Variants in TTN observed in about 807,000 individuals in gnomAD.
TTN encodes the protein titin.
A neutral mutation model predicts 3,223.0 loss-of-function variants in TTN; 1,525 were observed. The ratio of observed to expected loss-of-function variants is 0.47; its 90% CI spans 0.45 to 0.49. TTN has a LOEUF of 0.49. TTN is among the 20% of genes least tolerant of loss of function. The pLI, the probability that TTN is intolerant of heterozygous loss-of-function variation, is 0.00. For synonymous variants in TTN, 14,094 were observed against 15,161.0 expected, an observed-to-expected ratio of 0.93 and a Z score of 5.17; for missense variants, 40,786 against 43,424.0, an observed-to-expected ratio of 0.94 and a Z score of 5.40.
Position 178,635,964 on chromosome 2 carries a change from T to G in TTN, c.41607A>C (p.Val13869=). The stretch of plus-strand genomic sequence containing the variant: ...GAAATCTCCCAGGAAAGTACTAACC[T>G]ACTACTTTTACGCAAGATGAACACT... ...NLECSSCVKV[V]EVIRDWLVKP... Residue 13869 remains valine (V), a splice_region_variant and synonymous_variant, in exon 226 of 363, where the codon GTA becomes GTC. Coordinates refer to ENST00000589042, the MANE Select transcript of TTN (RefSeq NM_001267550.2). The G allele has an allele frequency of 6.3e-7, 1 of 1,590,762 alleles. No individual in the cohort carries two copies. Among genetic ancestry groups the G allele is most frequent in the Non-Finnish European group, 8.6e-7 (1 of 1,166,542 alleles).
rs779105977 is a variant in TTN, at chr2:178,554,408, T to C, written c.88894+45A>G. The stretch of plus-strand genomic sequence containing the variant: ...TATGCACAGGTTAGCGTAGTTTATT[T>C]TTAAATTTTTCACGTTTCAGTTTTC... On this transcript the variant is annotated intron_variant, in intron 332 of 362. Transcript: ENST00000589042. 6.9e-6 allele frequency: 11 copies of C among 1,583,274 alleles called. No individual in the cohort carries two copies. The Admixed American group carries it at 2.0e-4, about 29-fold the overall frequency.
rs771592871 is a variant in TTN at position 178,720,439 on chromosome 2, T to G, written c.23323A>C (p.Lys7775Gln). The G allele has an allele frequency of 7.4e-6, 12 of 1,613,756 alleles. No individual in the cohort carries two copies. The East Asian group carries it at 2.7e-4, about 36-fold the overall frequency. The change falls in exon 80 of 363, where the codon AAA becomes CAA. Residue 7775 changes from lysine (K) to glutamine (Q), a missense_variant. Lys to Gln is a moderately conservative substitution (Grantham distance 53). Transcript: ENST00000589042. The part of the protein sequence containing the change: ...EASDVGEYHC[K>Q]ATNEVGSDTC... ...TCACTTCCCACCTCATTAGTAGCTT[T>G]GCAGTGATATTCCCCGACATCGGAG...
At chr2:178,681,788 T>G (rs1361327700) in intron 135 of TTN, 50 bp from the exon 136 acceptor site, 4 of 1,437,268 alleles carry the variant, frequency 2.8e-6, no homozygotes, top group Non-Finnish European at 3.8e-6. Flanking sequence ...AATATAAGTT[T>G]AAACATTTCT....
chr2:178,745,413 T>A, intron 47 of TTN: 1 of 1,437,396 alleles, frequency 7.0e-7, no homozygotes, highest in South Asian at 1.5e-5. Context: ...AATATTTACA[T>A]GTATTACAAA....
intron 342 of TTN, 35 bp from the exon 343 acceptor site, chr2:178,546,151 TC>T: frequency 6.3e-7 from 1 of 1,587,670 alleles, no homozygotes; most frequent in Non-Finnish European, 8.6e-7. Context: ...ATGATGAAGA[TC>T]ATTCTTTCTG....
intron 218 of TTN, among the ~76,000 whole-genome samples, chr2:178,643,157 A>G (rs530727586): frequency 3.3e-5 from 5 of 152,078 alleles, no homozygotes; most frequent in Admixed American, 2.6e-4. Flanking sequence ...TCTAATTTAA[A>G]ACAGTATTTA....
rs1255817546 is a variant in TTN, at chr2:178,549,367, C to T, written c.92259G>A (p.Gln30753=). ...PESDGGSEIQ[Q]YILERREKKS... Reference sequence around the variant, plus strand: ...TCTTTTCTCTTCTTTCAAGGATATACTGTTGAATTTCACTGCCACCATCTG... The same window carrying T: ...TCTTTTCTCTTCTTTCAAGGATATATTGTTGAATTTCACTGCCACCATCTG... The change falls in exon 339 of 363, where the codon CAG becomes CAA. Residue 30753 remains glutamine, a synonymous_variant. Coordinates refer to ENST00000589042, the MANE Select transcript of TTN (RefSeq NM_001267550.2). 1 of 1,613,718 alleles carries T rather than the reference C, an allele frequency of 6.2e-7. No individual in the cohort carries two copies. Among genetic ancestry groups the T allele is most frequent in the East Asian group, 2.2e-5 (1 of 44,880 alleles).
Position 178,662,392 on chromosome 2 carries a change from C to G in TTN, c.36985G>C (p.Glu12329Gln). 1 of 1,469,868 alleles carries G rather than the reference C, an allele frequency of 6.8e-7. No individual in the cohort carries two copies. The highest frequency in any genetic ancestry group is 3.0e-5 in the East Asian group (1 of 32,966). The allele number at this position is 1,469,868 out of a possible 1,614,324, so 91.1% of individuals were successfully genotyped here. A position where few individuals can be genotyped will look rare whatever the true frequency, so the allele number is the denominator to read the frequency against. ...GGTGGAGCCACGGGAATTTCTTTTT[C>G]TGTGGCTTCTTGAGGAACTTCTGGC... ...TVPEVPQEAT[E>Q]KEIPVAPPKK... The change falls in exon 177 of 363, where the codon GAA becomes CAA. Residue 12329 changes from glutamate to glutamine, a missense_variant. By Grantham distance (29) the Glu-to-Gln change is conservative. Transcript: ENST00000589042.
Position 178,558,324 on chromosome 2 carries a change from C to T in TTN, c.87118+17G>A, listed in dbSNP as rs1338294127. 1.3e-6 allele frequency: 2 copies of T among 1,596,634 alleles called. No homozygotes were observed. The highest frequency in any genetic ancestry group is 2.7e-5 in the African/African-American group (2 of 73,704). On this transcript the variant is annotated intron_variant, in intron 327 of 362. Transcript: ENST00000589042. ...CAAATAATTTCAAATTTTGCTTCTA[C>T]ACAAAATTAGACATACCTAGTTGCT... is the stretch of plus-strand genomic sequence containing the variant.
In TTN at chr2:178,530,977, T is replaced by G. The variant is rs748652325; in HGVS notation, c.105638A>C (p.Glu35213Ala). Residue 35213 changes from glutamate to alanine, a missense_variant, in exon 358 of 363, where the codon GAG (glutamate) becomes GCG (alanine). By Grantham distance (107) the Glu-to-Ala change is moderately radical. Coordinates refer to ENST00000589042, the MANE Select transcript of TTN (RefSeq NM_001267550.2). ...VENSEGKQEA[E>A]FTLTIQKARV... ...GGCCTTTTGAATAGTCAGAGTGAACTCTGCTTCTTGTTTCCCTTCACTGTT... is the reference window on the plus strand; with the variant it reads ...GGCCTTTTGAATAGTCAGAGTGAACGCTGCTTCTTGTTTCCCTTCACTGTT... The G allele has an allele frequency of 3.7e-6, 6 of 1,614,014 alleles. No homozygotes were observed. Among genetic ancestry groups the G allele is most frequent in the South Asian group, 3.3e-5 (3 of 91,086 alleles).
In TTN at chr2:178,543,545, T is replaced by C. The variant is rs904892183; in HGVS notation, c.96428A>G (p.Glu32143Gly). The change falls in exon 347 of 363, where the codon GAG (glutamate) becomes GGG (glycine). Residue 32143 changes from glutamate (E) to glycine (G), a missense_variant. Transcript: ENST00000589042. Reference protein sequence around the residue: ...GGAPVNNYIVEKREAAMRAFK... With the variant: ...GGAPVNNYIVGKREAAMRAFK... ...TGCTCTCATAGCAGCTTCACGCTTC[T>C]CAACGATGTAATTGTTGACTGGAGC... 6.8e-6 allele frequency: 11 copies of C among 1,612,314 alleles called. No homozygotes were observed. The highest frequency in any genetic ancestry group is 8.5e-6 in the Non-Finnish European group (10 of 1,179,734).
intron 41 of TTN, among the ~76,000 whole-genome samples, chr2:178,765,275 A>G (rs1313041708): frequency 1.3e-5 from 2 of 152,240 alleles, no homozygotes; most frequent in Non-Finnish European, 2.9e-5. Flanking sequence ...TACCAGTGCC[A>G]GTAAAATGCA....
chr2:178,567,467 A>C lies in TTN; in HGVS notation c.78665T>G (p.Leu26222Arg), dbSNP rs1470470841. The change falls in exon 326 of 363, where the codon CTA becomes CGA. Residue 26222 changes from leucine to arginine, a missense_variant. Physicochemically the swap from Leu to Arg is moderately radical, Grantham distance 102 (BLOSUM62 -2). Transcript: ENST00000589042. ...RLEADVHGKPLPTIEWLRGDK... is the reference protein window; with the variant it reads ...RLEADVHGKPRPTIEWLRGDK... Reference sequence around the variant, plus strand: ...TCCTCTTAACCACTCAATGGTAGGTAGGGGCTTTCCATGGACATCAGCCTC... The same window carrying C: ...TCCTCTTAACCACTCAATGGTAGGTCGGGGCTTTCCATGGACATCAGCCTC... The C allele has an allele frequency of 1.2e-6, 2 of 1,613,010 alleles. No homozygotes were observed. The highest frequency in any genetic ancestry group is 2.7e-5 in the African/African-American group (2 of 74,866).
intron 146 of TTN, 28 bp from the exon 147 acceptor site, chr2:178,677,315 A>G: frequency 1.0e-6 from 1 of 997,896 alleles, no homozygotes. Context: ...TGAAGGCATT[A>G]AAAACCACAT....
At position 178,681,448 on chromosome 2, in the gene TTN, G is replaced by A; in HGVS notation, c.33175C>T (p.Leu11059=). The stretch of plus-strand genomic sequence containing the variant: ...TTTTCTTCAGGGACAGCTTTCTTCA[G>A]CACTTCAAAATATCAATATTAAGAG... The part of the protein sequence containing the change: ...TKPKAPPAKV[L]KKAVPEEKVP... Residue 11059 remains leucine (L), a splice_region_variant and synonymous_variant, in exon 137 of 363, where the codon CTG becomes TTG. Coordinates refer to ENST00000589042, the MANE Select transcript of TTN (RefSeq NM_001267550.2). 6.2e-7 allele frequency: 1 copy of A among 1,605,730 alleles called. No homozygotes were observed. Among genetic ancestry groups the A allele is most frequent in the African/African-American group, 1.3e-5 (1 of 74,366 alleles).
intron 111 of TTN, among the ~76,000 whole-genome samples, chr2:178,699,749 C>A (rs1553871833): frequency 2.1e-5 from 2 of 95,254 alleles, no homozygotes; most frequent in South Asian, 3.4e-4. Context: ...TTTTTTGAGA[C>A]GGAGTCTCAC....
Position 178,544,284 on chromosome 2 carries a change from GA to G in TTN, c.95944del (p.Ser31982ProfsTer7). On this transcript the variant is annotated frameshift_variant, in exon 345 of 363. Transcript: ENST00000589042. LOFTEE classifies it high-confidence loss of function. ...CACGTTCACGGCAGCAACTCTGAAG[GA>G]ATATTTCTGGCCCATTTTAAGGTCT... is the stretch of plus-strand genomic sequence containing the variant. ...VPDLKMGQKY[S>X]FRVAAVNVKG... 6.2e-7 allele frequency: 1 copy of G among 1,613,778 alleles called. No homozygotes were observed. The highest frequency in any genetic ancestry group is 8.5e-7 in the Non-Finnish European group (1 of 1,179,740).
chr2:178,610,871 A>C, intron 270 of TTN, 122 bp downstream of exon 270: 1 of 1,203,280 alleles, frequency 8.3e-7, no homozygotes, highest in South Asian at 1.4e-5. Context: ...CATAATCAGA[A>C]GTGACATTTA....
chr2:178,611,367 C>T lies in TTN; in HGVS notation c.50857+5G>A. ...TATTAACTATAAAAGACCTTGTGCT[C>T]TTACAGTCTGGGTCTTTGGCAACCA... On this transcript the variant is annotated splice_donor_5th_base_variant and intron_variant, in intron 269 of 362. Coordinates refer to ENST00000589042, the MANE Select transcript of TTN (RefSeq NM_001267550.2). The T allele has an allele frequency of 6.2e-7, 1 of 1,612,608 alleles. No homozygotes were observed. The highest frequency in any genetic ancestry group is 1.1e-5 in the South Asian group (1 of 91,024).
Sources: allele counts gnomAD v4.1 joint callset (sites outside exome capture counted in the v4.1 genomes callset), GRCh38; gene constraint gnomAD v4.1.1; transcripts MANE v1.5; gene names NCBI Gene and HGNC (gene_info 2026-07-23, HGNC 2026-07-21).